The following CALD1 variants were observed in gnomAD, a reference collection of about 807,000 sequenced individuals.
CALD1 encodes caldesmon.
CALD1 carries 33 observed loss-of-function variants against 99.9 expected under a neutral mutation model. The ratio of observed to expected loss-of-function variants is 0.33; its 90% CI spans 0.25 to 0.44. CALD1 has a LOEUF of 0.44. Ranked by LOEUF, CALD1 falls within the 20% of genes least tolerant of loss-of-function variation. The pLI is 1.00. For missense variants in CALD1, 861 were observed against 962.1 expected (o/e 0.89, Z 1.39); for synonymous variants, 310 against 325.0 (o/e 0.95, Z 0.50).
chr7:134,951,624 G>A (rs1326185751), intron 9 of CALD1, among the ~76,000 whole-genome samples: 2 of 152,160 alleles, frequency 1.3e-5, no homozygotes, highest in Admixed American at 1.3e-4. Context: ...GATGGCTTTG[G>A]TCCTATGACA....
chr7:134,952,473 C>CTTTTTTT (rs747660510), intron 9 of CALD1, among the ~76,000 whole-genome samples: 2 of 140,938 alleles, frequency 1.4e-5, no homozygotes, highest in African/African-American at 2.6e-5. Flanking sequence ...TTCCCTTAGT[C>CTTTTTTT]TTTTTTTTTT....
upstream of CALD1, among the ~76,000 whole-genome samples, chr7:134,742,672 G>A (rs1022375326): frequency 6.6e-6 from 1 of 152,224 alleles, no homozygotes; most frequent in Non-Finnish European, 1.5e-5. Context: ...GAGATTAAAG[G>A]AGAAACAGCG....
chr7:134,829,904 T>C (rs1799149583), intron 1 of CALD1, among the ~76,000 whole-genome samples: 1 of 152,148 alleles, frequency 6.6e-6, no homozygotes, highest in South Asian at 2.1e-4. Context: ...GAGAATCACC[T>C]GGATTTAGTA....
chr7:134,926,750 G>C (rs111279248), intron 3 of CALD1, among the ~76,000 whole-genome samples: 1 of 152,010 alleles, frequency 6.6e-6, no homozygotes, highest in African/African-American at 2.4e-5. Context: ...CTACTGTTTT[G>C]TTTTAATTTG....
intron 1 of CALD1, among the ~76,000 whole-genome samples, chr7:134,811,539 A>C (rs1798354754): frequency 6.6e-6 from 1 of 152,354 alleles, no homozygotes; most frequent in Middle Eastern, 3.4e-3. Context: ...CATTTTAGTG[A>C]AAGTCTCCTA....
At chr7:134,922,290 T>A (rs1405003984) in intron 3 of CALD1, among the ~76,000 whole-genome samples, 2 of 152,206 alleles carry the variant, frequency 1.3e-5, no homozygotes. Context: ...ACCCTCCCCA[T>A]AAAAATGTCT....
the CALD1 span, among the ~76,000 whole-genome samples, chr7:134,715,766 G>A: frequency 2.0e-5 from 3 of 152,150 alleles, no homozygotes; most frequent in South Asian, 2.1e-4. Flanking sequence ...TGACCAGGTC[G>A]AAGGCCAGTC....
intron 6 of CALD1, among the ~76,000 whole-genome samples, chr7:134,938,259 T>G (rs539149092): frequency 6.6e-6 from 1 of 152,210 alleles, no homozygotes; most frequent in South Asian, 2.1e-4. Context: ...CCAGCTCTTG[T>G]TGCTATTCTG....
At chr7:134,813,840 G>C (rs866655578) in intron 1 of CALD1, among the ~76,000 whole-genome samples, 4 of 152,268 alleles carry the variant, frequency 2.6e-5, no homozygotes, top group South Asian at 2.1e-4. Flanking sequence ...CTGTCTGCTT[G>C]CTACATGGAG....
chr7:134,919,741 C>T (rs912767540), intron 3 of CALD1, among the ~76,000 whole-genome samples: 7 of 152,098 alleles, frequency 4.6e-5, no homozygotes, highest in African/African-American at 1.7e-4. Flanking sequence ...CAGGAAAAGG[C>T]ACAACACTGA....
At chr7:134,937,693 G>A (rs1490782035) in intron 6 of CALD1, among the ~76,000 whole-genome samples, 1 of 150,456 alleles carries the variant, frequency 6.6e-6, no homozygotes, top group African/African-American at 2.4e-5. Context: ...TCCTTTCAAG[G>A]ATTTATGCAG....
intron 1 of CALD1, among the ~76,000 whole-genome samples, chr7:134,757,646 C>T (rs1281389312): frequency 3.3e-5 from 5 of 151,898 alleles, no homozygotes; most frequent in African/African-American, 9.7e-5. Flanking sequence ...TTTGGGAGGC[C>T]GAGGTGAGTG....
intron 1 of CALD1, among the ~76,000 whole-genome samples, chr7:134,816,379 G>T (rs1244595646): frequency 6.6e-6 from 1 of 152,148 alleles, no homozygotes; most frequent in African/African-American, 2.4e-5. Flanking sequence ...GAAATTGCTA[G>T]ATTCTTGGAT....
At chr7:134,960,790 A>G in intron 13 of CALD1, 162 bp downstream of exon 13, 1 of 570,938 alleles carries the variant, frequency 1.8e-6, no homozygotes, top group Non-Finnish European at 3.2e-6. Flanking sequence ...CAACAGTTCT[A>G]AGAAGCTGCA....
chr7:134,888,246 T>G (rs761756289), intron 3 of CALD1, among the ~76,000 whole-genome samples: 10 of 152,174 alleles, frequency 6.6e-5, no homozygotes, highest in Non-Finnish European at 1.3e-4. Context: ...CTTTCATTTT[T>G]CCTAGTAAGA....
chr7:134,947,169 G>A (rs901093927), intron 7 of CALD1, among the ~76,000 whole-genome samples: 1 of 151,804 alleles, frequency 6.6e-6, no homozygotes, highest in African/African-American at 2.4e-5. Context: ...TTTTAGAAGT[G>A]TATCAGAAGT....
At position 134,851,930 on chromosome 7, in the gene CALD1, T is replaced by TG. The variant is rs1800100065; in HGVS notation, c.-42+7961dup. On this transcript the variant is annotated intron_variant, in intron 2 of 14. Transcript: ENST00000361675. Reference sequence around the variant, plus strand: ...CACAGCTGTGACATTATTTGGAACTTGGAGTCTCAGGCCAGAATTCTTAAG... The same window carrying TG: ...CACAGCTGTGACATTATTTGGAACTTGGGAGTCTCAGGCCAGAATTCTTAAG... 2.0e-5 allele frequency among the ~76,000 whole-genome samples: 3 copies of TG among 152,298 alleles called. No individual in the cohort carries two copies. In the South Asian group the frequency reaches 6.2e-4, roughly 32 times the overall value.
chr7:134,948,955 C>T (rs1284293318), intron 8 of CALD1, among the ~76,000 whole-genome samples: 1 of 151,890 alleles, frequency 6.6e-6, no homozygotes, highest in Non-Finnish European at 1.5e-5. Context: ...AATCTCGGAA[C>T]ACACCCAGTC....
At chr7:134,835,365 T>C (rs894824231) in intron 1 of CALD1, among the ~76,000 whole-genome samples, 1 of 152,124 alleles carries the variant, frequency 6.6e-6, no homozygotes, top group South Asian at 2.1e-4. Flanking sequence ...GCAATGCCAG[T>C]TGGTTGGAAC....
Sources: gnomAD v4.1 joint callset for allele counts (sites outside exome capture counted in the v4.1 genomes callset) on GRCh38, gnomAD v4.1.1 for gene constraint, MANE v1.5 for transcripts, NCBI Gene and HGNC (gene_info 2026-07-23, HGNC 2026-07-21) for gene names.